The following ST7 variants were observed in gnomAD, a reference collection of about 807,000 sequenced individuals.
ST7 encodes the protein suppressor of tumorigenicity 7 protein.
In ST7, 28 loss-of-function variants were observed where a neutral mutation model predicts 78.7. That is an observed-to-expected ratio of 0.36 (90% CI 0.26 to 0.49). The LOEUF is 0.49. Among genes scored for constraint, ST7 ranks in the 20% least tolerant of loss-of-function variants. ST7 has a pLI of 0.99. For missense variants in ST7, 418 were observed against 696.0 expected (o/e 0.60, Z 4.49); for synonymous variants, 247 against 249.6 (o/e 0.99, Z 0.10).
At chr7:117,000,066 C>T (rs368666734) in intron 1 of ST7, among the ~76,000 whole-genome samples, 5 of 152,266 alleles carry the variant, frequency 3.3e-5, no homozygotes, top group Admixed American at 2.0e-4. Flanking sequence ...CCACCTCAGC[C>T]TCCCAAAGTG....
At chr7:117,153,459 G>A (rs1806447935) in intron 9 of ST7, among the ~76,000 whole-genome samples, 1 of 152,108 alleles carries the variant, frequency 6.6e-6, no homozygotes. Context: ...AAAAAGAAGA[G>A]GAGGGAGAAG....
intron 1 of ST7, chr7:116,972,570 T>G: frequency 7.1e-7 from 1 of 1,409,740 alleles, no homozygotes; most frequent in East Asian, 2.3e-5. Flanking sequence ...TGTGCTTAGC[T>G]TCTTTGAGTT....
intron 3 of ST7, among the ~76,000 whole-genome samples, chr7:117,122,682 G>GT (rs1240400408): frequency 1.3e-5 from 2 of 152,102 alleles, no homozygotes; most frequent in African/African-American, 4.8e-5. Flanking sequence ...CTTGTCTTAA[G>GT]TATATTTAGG....
chr7:117,108,908 G>C (rs1802192032), intron 2 of ST7, among the ~76,000 whole-genome samples: 1 of 152,116 alleles, frequency 6.6e-6, no homozygotes, highest in Non-Finnish European at 1.5e-5. Flanking sequence ...CTTGGTCGCT[G>C]TTGGTGTATA....
chr7:117,020,038 GAAGAGC>G, intron 1 of ST7: 1 of 152,380 alleles, frequency 6.6e-6, no homozygotes, highest in South Asian at 2.1e-4. Flanking sequence ...ATCATGGGAT[GAAGAGC>G]TGCGCAGGAG....
At chr7:116,992,355 G>A (rs533100629) in intron 1 of ST7, among the ~76,000 whole-genome samples, 5 of 152,158 alleles carry the variant, frequency 3.3e-5, no homozygotes, top group East Asian at 1.9e-4. Flanking sequence ...TGAAATCTAC[G>A]TGGTTTCCCA....
chr7:117,130,381 T>C, intron 4 of ST7, 110 bp from the exon 5 acceptor site: 1 of 639,706 alleles, frequency 1.6e-6, no homozygotes, highest in African/African-American at 1.9e-5. Flanking sequence ...AGCAAAGCTA[T>C]TTTAGTATTC....
At chr7:117,030,763 T>C (rs1796433301) in intron 1 of ST7, among the ~76,000 whole-genome samples, 1 of 152,176 alleles carries the variant, frequency 6.6e-6, no homozygotes, top group African/African-American at 2.4e-5. Context: ...TCAGCCATTG[T>C]GGAAAGCAGT....
At chr7:117,214,187 A>C (rs917233881) in intron 13 of ST7, among the ~76,000 whole-genome samples, 4 of 152,148 alleles carry the variant, frequency 2.6e-5, no homozygotes, top group Non-Finnish European at 1.5e-5. Context: ...CTAGTTCTAT[A>C]TATCAGGAGG....
At chr7:117,067,573 G>GT (rs1304486631) in intron 1 of ST7, among the ~76,000 whole-genome samples, 3 of 152,150 alleles carry the variant, frequency 2.0e-5, no homozygotes, top group Non-Finnish European at 4.4e-5. Flanking sequence ...ATGGGCCAGA[G>GT]TGATGAGCTG....
intron 1 of ST7, among the ~76,000 whole-genome samples, chr7:116,967,666 G>A (rs1332713409): frequency 6.6e-6 from 1 of 152,190 alleles, no homozygotes; most frequent in Non-Finnish European, 1.5e-5. Context: ...GCATGATAAT[G>A]ATGAGTACCT....
intron 2 of ST7, among the ~76,000 whole-genome samples, chr7:117,114,882 G>C (rs1216951107): frequency 6.6e-6 from 1 of 152,164 alleles, no homozygotes; most frequent in East Asian, 1.9e-4. Flanking sequence ...TTTGTTCCCT[G>C]CAGGTAAATA....
At chr7:117,217,752 A>G (rs1274650144) in intron 13 of ST7, among the ~76,000 whole-genome samples, 2 of 152,230 alleles carry the variant, frequency 1.3e-5, no homozygotes, top group South Asian at 2.1e-4. Flanking sequence ...AGGAAAATTG[A>G]TAACATTTTT....
At chr7:117,062,866 T>C (rs2116453660) in intron 1 of ST7, among the ~76,000 whole-genome samples, 1 of 152,360 alleles carries the variant, frequency 6.6e-6, no homozygotes, top group African/African-American at 2.4e-5. Flanking sequence ...AATGGGTTAA[T>C]TCTGCCATTT....
intron 1 of ST7, among the ~76,000 whole-genome samples, chr7:117,067,432 A>G (rs919087045): frequency 6.6e-6 from 1 of 152,202 alleles, no homozygotes; most frequent in Non-Finnish European, 1.5e-5. Flanking sequence ...ACCCCAGTAT[A>G]GAACTGAGCT....
intron 1 of ST7, among the ~76,000 whole-genome samples, chr7:117,009,269 TTG>T (rs1491380688): frequency 0.21 from 10,494 of 49,926 alleles, 647 homozygotes; most frequent in East Asian, 0.27. Context: ...TTTTTTTTTT[TTG>T]TTTTTGGCCT....
At chr7:117,080,635 C>T (rs1350890994) in intron 1 of ST7, among the ~76,000 whole-genome samples, 2 of 152,130 alleles carry the variant, frequency 1.3e-5, no homozygotes, top group Non-Finnish European at 2.9e-5. Flanking sequence ...ATGCTCAATT[C>T]ACATGTATGA....
At chr7:117,015,581 A>G (rs1406777975) in intron 1 of ST7, among the ~76,000 whole-genome samples, 2 of 152,078 alleles carry the variant, frequency 1.3e-5, no homozygotes, top group Admixed American at 1.3e-4. Flanking sequence ...CTCAATCTCT[A>G]GTTTCACTGA....
chr7:117,087,530 G>A (rs1800251800), intron 1 of ST7, among the ~76,000 whole-genome samples: 2 of 152,144 alleles, frequency 1.3e-5, no homozygotes, highest in African/African-American at 4.8e-5. Flanking sequence ...ATACTTCATA[G>A]AAGGGCTGAT....
Sources: gnomAD v4.1 joint callset for allele counts (sites outside exome capture counted in the v4.1 genomes callset) on GRCh38, gnomAD v4.1.1 for gene constraint, MANE v1.5 for transcripts, NCBI Gene and HGNC (gene_info 2026-07-23, HGNC 2026-07-21) for gene names.